The following PCLO variants were observed in gnomAD, a reference collection of about 807,000 sequenced individuals.
PCLO encodes piccolo presynaptic cytomatrix protein.
A neutral mutation model predicts 427.5 loss-of-function variants in PCLO; 82 were observed. The ratio of observed to expected loss-of-function variants is 0.19; its 90% CI spans 0.16 to 0.23. The LOEUF is 0.23. Ranked by LOEUF, PCLO falls within the 10% of genes least tolerant of loss-of-function variation. PCLO has a pLI of 1.00. For missense variants in PCLO, 6,239 were observed against 6,115.9 expected (o/e 1.02, Z -0.67); for synonymous variants, 2,357 against 2,155.4 (o/e 1.09, Z -2.59).
At chr7:82,847,636 G>A (rs978651185) in intron 10 of PCLO, among the ~76,000 whole-genome samples, 2 of 152,180 alleles carry the variant, frequency 1.3e-5, no homozygotes, top group African/African-American at 4.8e-5. Flanking sequence ...CAAGCTACTA[G>A]AAGAATGTAT....
At chr7:83,072,926 C>T (rs1789855857) in intron 3 of PCLO, among the ~76,000 whole-genome samples, 1 of 151,916 alleles carries the variant, frequency 6.6e-6, no homozygotes, top group African/African-American at 2.4e-5. Flanking sequence ...CCTTCAACAT[C>T]AAATCAGTTG....
chr7:83,044,827 C>T (rs1023927697), intron 3 of PCLO, among the ~76,000 whole-genome samples: 1 of 152,098 alleles, frequency 6.6e-6, no homozygotes, highest in Non-Finnish European at 1.5e-5. Flanking sequence ...ATTATCTGAA[C>T]TATAAAATGG....
At chr7:82,935,416 G>A (rs1028538636) in intron 6 of PCLO, among the ~76,000 whole-genome samples, 4 of 150,722 alleles carry the variant, frequency 2.7e-5, no homozygotes, top group Non-Finnish European at 5.9e-5. Context: ...AGTTTGCTTG[G>A]ATATAGGAAA....
intron 6 of PCLO, among the ~76,000 whole-genome samples, chr7:82,928,064 A>G (rs1794755069): frequency 6.6e-6 from 1 of 152,208 alleles, no homozygotes; most frequent in African/African-American, 2.4e-5. Context: ...TTAGCATAAT[A>G]CTATTTCTTT....
chr7:82,761,113 A>G (rs1790423722), intron 23 of PCLO, among the ~76,000 whole-genome samples: 1 of 151,504 alleles, frequency 6.6e-6, no homozygotes, highest in Admixed American at 6.6e-5. Flanking sequence ...CACCTAACTG[A>G]TATATCTATT....
At position 83,156,080 on chromosome 7, in the gene PCLO, T is replaced by C; in HGVS notation, c.561A>G (p.Glu187=). The C allele has an allele frequency of 6.2e-7, 1 of 1,613,804 alleles. No individual in the cohort carries two copies. The highest frequency in any genetic ancestry group is 8.5e-7 in the Non-Finnish European group (1 of 1,179,860). Residue 187 remains glutamate (E), a synonymous_variant, in exon 2 of 25, where the codon GAA becomes GAG. Coordinates refer to ENST00000333891, the MANE Select transcript of PCLO (RefSeq NM_033026.6). ...CCACTTTTTGTTTCTTGGTGGTTTC[T>C]TCCTGGGATGCCTCAGAGTCTGATA... ...DLISDSEASQ[E]ETTKKQKVVQ... is the part of the protein sequence containing the mutation.
At chr7:83,145,734 G>A (rs1165339974) in intron 2 of PCLO, among the ~76,000 whole-genome samples, 1 of 152,054 alleles carries the variant, frequency 6.6e-6, no homozygotes, top group Admixed American at 6.5e-5. Context: ...TAATTTCAGA[G>A]CCCTTCCACT....
At chr7:82,914,578 G>A (rs1794397652) in intron 7 of PCLO, 108 bp downstream of exon 7, 9 of 1,073,302 alleles carry the variant, frequency 8.4e-6, no homozygotes, top group African/African-American at 1.6e-5. Context: ...ACATGCAAAA[G>A]ACACACCAAG....
At position 83,135,109 on chromosome 7, in the gene PCLO, C is replaced by G. The variant is rs2877; in HGVS notation, c.2441G>C (p.Ser814Thr). ...AGGTATGGCTTTAGAATCAAATGGG[C>G]TGACTTTTTCCCCTGTTGGTGGAAA... is the stretch of plus-strand genomic sequence containing the variant. Reference protein sequence around the residue: ...QSFPPTGEKVSPFDSKAIPRP... With the variant: ...QSFPPTGEKVTPFDSKAIPRP... The change falls in exon 3 of 25, where the codon AGC (serine) becomes ACC (threonine). Residue 814 changes from serine (S) to threonine (T), a missense_variant. Ser to Thr is a moderately conservative substitution (Grantham distance 58). Coordinates refer to ENST00000333891, the MANE Select transcript of PCLO (RefSeq NM_033026.6). 1,153,742 of 1,613,486 alleles carry G rather than the reference C, an allele frequency of 0.72. 417,273 individuals are homozygous for G. Among genetic ancestry groups the G allele is most frequent in the East Asian group, 1 (44,711 of 44,850 alleles).
In PCLO at chr7:83,134,242, T is replaced by TATATATAA. The variant is rs746054139; in HGVS notation, c.3300+7_3300+8insTTATATAT. On this transcript the variant is annotated splice_region_variant and intron_variant, in intron 3 of 24. Coordinates refer to ENST00000333891, the MANE Select transcript of PCLO (RefSeq NM_033026.6). Reference sequence around the variant, plus strand: ...TAATATATATATATATATATATATATAACTTACCTCAGTCAAATGTGGTGT... The same window carrying TATATATAA: ...TAATATATATATATATATATATATATATATATAAAACTTACCTCAGTCAAATGTGGTGT... 87 of 1,068,364 alleles carry TATATATAA rather than the reference T, an allele frequency of 8.1e-5. 1 individual carries two copies. Among genetic ancestry groups the TATATATAA allele is most frequent in the Admixed American group, 3.7e-4 (12 of 32,814 alleles). The allele number at this position is 1,068,364 out of a possible 1,614,324, so 66.2% of individuals were successfully genotyped here.
At chr7:82,798,692 C>T (rs573606097) in intron 22 of PCLO, among the ~76,000 whole-genome samples, 1 of 152,218 alleles carries the variant, frequency 6.6e-6, no homozygotes, top group Non-Finnish European at 1.5e-5. Flanking sequence ...ATATTATTAA[C>T]TTTTTAAAAT....
chr7:82,852,411 C>T (rs1388259418), intron 10 of PCLO, among the ~76,000 whole-genome samples: 2 of 152,112 alleles, frequency 1.3e-5, no homozygotes, highest in Non-Finnish European at 2.9e-5. Flanking sequence ...TAGAATAAAG[C>T]AGGCAGAAGA....
At chr7:82,981,099 T>C (rs974852119) in intron 3 of PCLO, among the ~76,000 whole-genome samples, 1 of 151,978 alleles carries the variant, frequency 6.6e-6, no homozygotes, top group Admixed American at 6.6e-5. Context: ...TAAAAAATAA[T>C]ATTTCTCCAC....
At chr7:83,154,702 G>T in intron 2 of PCLO, 46 bp downstream of exon 2, 1 of 1,354,510 alleles carries the variant, frequency 7.4e-7, no homozygotes, top group African/African-American at 1.4e-5. Context: ...TGTATAAGAG[G>T]ATGATATGGC....
At chr7:82,841,535 C>T in intron 13 of PCLO, 26 bp from the exon 14 acceptor site, 1 of 1,318,372 alleles carries the variant, frequency 7.6e-7, no homozygotes, top group South Asian at 1.2e-5. Context: ...ACATATATTA[C>T]ATTAATAGAT....
At chr7:82,809,688 T>A (rs778416979) in intron 20 of PCLO, among the ~76,000 whole-genome samples, 15 of 151,636 alleles carry the variant, frequency 9.9e-5, no homozygotes, top group Non-Finnish European at 2.1e-4. Flanking sequence ...ACTTTTTAAA[T>A]CAAGCTTTGT....
chr7:82,871,405 G>C (rs927260313), intron 10 of PCLO, among the ~76,000 whole-genome samples: 1 of 148,796 alleles, frequency 6.7e-6, no homozygotes, highest in Non-Finnish European at 1.5e-5. Flanking sequence ...TAAATAAATT[G>C]ATCTCATTAA....
intron 3 of PCLO, among the ~76,000 whole-genome samples, chr7:82,971,430 GT>G (rs1217675930): frequency 6.6e-6 from 1 of 150,666 alleles, no homozygotes; most frequent in Non-Finnish European, 1.5e-5. Flanking sequence ...ATATATATGT[GT>G]GTGTGTGTAT....
intron 2 of PCLO, among the ~76,000 whole-genome samples, chr7:83,148,636 T>C (rs943108047): frequency 1.3e-5 from 2 of 152,200 alleles, no homozygotes; most frequent in African/African-American, 4.8e-5. Context: ...TTTGTGTATG[T>C]TAACTATAGA....
Sources: gnomAD v4.1 joint callset for allele counts (sites outside exome capture counted in the v4.1 genomes callset) on GRCh38, gnomAD v4.1.1 for gene constraint, MANE v1.5 for transcripts, NCBI Gene and HGNC (gene_info 2026-07-23, HGNC 2026-07-21) for gene names.